Variants in CCDC171 observed in about 807,000 individuals in gnomAD.
The protein encoded by CCDC171 is coiled-coil domain-containing protein 171.
CCDC171 carries 177 observed loss-of-function variants against 168.2 expected under a neutral mutation model. The observed-to-expected ratio is 1.05, with a 90% CI of 0.93 to 1.19. The LOEUF is 1.19. Among genes scored for constraint, CCDC171 ranks in the 50% most tolerant of loss-of-function variants. The pLI, the probability that CCDC171 is intolerant of heterozygous loss-of-function variation, is 0.00. For missense variants in CCDC171, 1,991 were observed against 1,539.0 expected (o/e 1.29, Z -4.91); for synonymous variants, 687 against 540.8 (o/e 1.27, Z -3.75).
Position 15,866,543 on chromosome 9 carries a change from T to A in CCDC171, c.3469-7989T>A, listed in dbSNP as rs1047765770. 7.4e-4 allele frequency among the ~76,000 whole-genome samples: 112 copies of A among 152,076 alleles called. 1 individual carries two copies. Among genetic ancestry groups the A allele is most frequent in the African/African-American group, 2.5e-3 (103 of 41,520 alleles). On this transcript the variant is annotated intron_variant, in intron 23 of 25. Transcript: ENST00000380701. The stretch of plus-strand genomic sequence containing the variant: ...GCCTTTTTGCTTTAATTATTTTTAT[T>A]AAGTAGGGAGAAAGGAGACAATGAT...
Position 15,678,577 on chromosome 9 carries a change from G to A in CCDC171, c.1077-181G>A, listed in dbSNP as rs2049807550. On this transcript the variant is annotated intron_variant, in intron 9 of 25. Coordinates refer to ENST00000380701, the MANE Select transcript of CCDC171 (RefSeq NM_173550.4). Reference sequence around the variant, plus strand: ...CTACTATCAAAGGGAAAGTAATATTGCTTTGAAGTTTTTCATTTAAGAATA... The same window carrying A: ...CTACTATCAAAGGGAAAGTAATATTACTTTGAAGTTTTTCATTTAAGAATA... 2.0e-5 allele frequency among the ~76,000 whole-genome samples: 3 copies of A among 152,104 alleles called. No individual in the cohort carries two copies. In the South Asian group the frequency reaches 6.2e-4, roughly 32 times the overall value.
chr9:15,777,886 G>C lies in CCDC171; in HGVS notation c.2898+60G>C, dbSNP rs1321759643. ...AACTTGTAGGTTTAATTTTGAATTA[G>C]CCTAATTTGTAGTTTAAATTATTAG... On this transcript the variant is annotated intron_variant, in intron 19 of 25. Coordinates refer to ENST00000380701, the MANE Select transcript of CCDC171 (RefSeq NM_173550.4). The C allele has an allele frequency of 1.4e-5, 16 of 1,111,214 alleles. No homozygotes were observed. The East Asian group carries it at 4.0e-4, about 28-fold the overall frequency. 68.8% of individuals were successfully genotyped at this position (1,111,214 alleles called of 1,614,324 possible).
intron 2 of CCDC171, among the ~76,000 whole-genome samples, chr9:15,570,931 G>T (rs2040175516): frequency 1.3e-5 from 2 of 152,324 alleles, no homozygotes; most frequent in South Asian, 4.1e-4. Context: ...CTGGGAAAGA[G>T]ATAGGTACCC....
intron 24 of CCDC171, among the ~76,000 whole-genome samples, chr9:15,890,856 T>C (rs1333236623): frequency 6.6e-6 from 1 of 152,174 alleles, no homozygotes; most frequent in East Asian, 1.9e-4. Context: ...ATAGGGATTA[T>C]TGAAGTAGAT....
At chr9:15,730,520 T>C (rs1218822716) in intron 16 of CCDC171, among the ~76,000 whole-genome samples, 1 of 151,904 alleles carries the variant, frequency 6.6e-6, no homozygotes, top group Non-Finnish European at 1.5e-5. Context: ...GTTAGGATAC[T>C]TAGGAACCAG....
chr9:15,702,029 A>G (rs1378192964), intron 11 of CCDC171, among the ~76,000 whole-genome samples: 1 of 152,230 alleles, frequency 6.6e-6, no homozygotes, highest in Non-Finnish European at 1.5e-5. Flanking sequence ...TCCATGGGCT[A>G]CAGAATGGAT....
chr9:15,689,759 A>G (rs1290369027), intron 10 of CCDC171, among the ~76,000 whole-genome samples: 2 of 152,200 alleles, frequency 1.3e-5, no homozygotes, highest in Admixed American at 1.3e-4. Context: ...TTGAGAAAGA[A>G]CCATAAAGTT....
At chr9:15,906,605 A>G (rs1822658816) in intron 24 of CCDC171, among the ~76,000 whole-genome samples, 1 of 152,160 alleles carries the variant, frequency 6.6e-6, no homozygotes, top group Admixed American at 6.5e-5. Flanking sequence ...CCCTCTGAAA[A>G]CTGGCCCAAG....
At chr9:15,554,023 C>CTTT (rs143936791) in intron 1 of CCDC171, among the ~76,000 whole-genome samples, 21 of 143,288 alleles carry the variant, frequency 1.5e-4, no homozygotes, top group African/African-American at 3.9e-4. Context: ...GATTTTGTCA[C>CTTT]TTTTTTTTTT....
chr9:15,727,787 A>G, intron 14 of CCDC171, 82 bp from the exon 15 acceptor site: 1 of 1,033,250 alleles, frequency 9.7e-7, no homozygotes, highest in South Asian at 2.6e-5. Context: ...TTTTAAATTA[A>G]CTCTTCACCA....
At chr9:15,670,399 G>A (rs2049028243) in intron 9 of CCDC171, among the ~76,000 whole-genome samples, 1 of 152,034 alleles carries the variant, frequency 6.6e-6, no homozygotes, top group Non-Finnish European at 1.5e-5. Flanking sequence ...GAATAAAATG[G>A]TACTGTTAGG....
chr9:16,068,794 T>G, the CCDC171 span, among the ~76,000 whole-genome samples: 937 of 132,618 alleles, frequency 7.1e-3, 13 homozygotes, highest in African/African-American at 0.022. Flanking sequence ...ATTCTGGTTT[T>G]TATGGGGGCA....
chr9:15,752,607 G>A (rs200294972), intron 18 of CCDC171, among the ~76,000 whole-genome samples: 3 of 152,082 alleles, frequency 2.0e-5, no homozygotes, highest in African/African-American at 4.8e-5. Context: ...ATGGATGAAG[G>A]TGGAAACCAT....
intron 1 of CCDC171, among the ~76,000 whole-genome samples, chr9:15,560,187 A>T (rs1048037309): frequency 6.6e-5 from 10 of 152,046 alleles, no homozygotes; most frequent in Admixed American, 6.5e-5. Flanking sequence ...AACTTTGGTG[A>T]ATCTGACAAT....
At chr9:15,717,443 T>A (rs553231404) in intron 11 of CCDC171, among the ~76,000 whole-genome samples, 1 of 152,200 alleles carries the variant, frequency 6.6e-6, no homozygotes, top group Non-Finnish European at 1.5e-5. Flanking sequence ...GTCCTAGTGC[T>A]GTGCTGGGCT....
At chr9:16,073,450 T>C in the CCDC171 span, among the ~76,000 whole-genome samples, 5 of 152,052 alleles carry the variant, frequency 3.3e-5, no homozygotes, top group Non-Finnish European at 5.9e-5. Context: ...ATGTAAAATC[T>C]TCTCTTATCT....
Position 15,560,456 on chromosome 9 carries a change from T to C in CCDC171, c.-111-3522T>C, listed in dbSNP as rs534714639. Among the ~76,000 whole-genome samples the C allele has an allele frequency of 3.3e-5, 5 of 152,240 alleles. No homozygotes were observed. In the South Asian group the frequency reaches 6.2e-4, roughly 19 times the overall value. Reference sequence around the variant, plus strand: ...TACTCTTTTTTCTCTAAATTTCTCTTCTCTTTTCATTTCATTCATTTGTTC... The same window carrying C: ...TACTCTTTTTTCTCTAAATTTCTCTCCTCTTTTCATTTCATTCATTTGTTC... On this transcript the variant is annotated intron_variant, in intron 1 of 25. Coordinates refer to ENST00000380701, the MANE Select transcript of CCDC171 (RefSeq NM_173550.4).
At chr9:15,682,876 A>G (rs957816127) in intron 10 of CCDC171, among the ~76,000 whole-genome samples, 14 of 152,054 alleles carry the variant, frequency 9.2e-5, no homozygotes, top group African/African-American at 2.9e-4. Flanking sequence ...CTACTAAATA[A>G]AACTGAATTT....
intron 7 of CCDC171, among the ~76,000 whole-genome samples, chr9:15,646,124 A>G (rs966445444): frequency 4.6e-5 from 7 of 152,236 alleles, no homozygotes; most frequent in Non-Finnish European, 7.3e-5. Context: ...TTTTCAACCC[A>G]GAATTTCTTA....
Sources: allele counts gnomAD v4.1 joint callset (sites outside exome capture counted in the v4.1 genomes callset), GRCh38; gene constraint gnomAD v4.1.1; transcripts MANE v1.5; gene names NCBI Gene and HGNC (gene_info 2026-07-23, HGNC 2026-07-21).